The following PCSK2 variants were observed in gnomAD, a reference collection of about 807,000 sequenced individuals.
PCSK2 encodes the protein neuroendocrine convertase 2.
A neutral mutation model predicts 69.7 loss-of-function variants in PCSK2; 14 were observed. The ratio of observed to expected loss-of-function variants is 0.20; its 90% CI spans 0.13 to 0.31. The LOEUF is 0.31. Among genes scored for constraint, PCSK2 ranks in the 10% least tolerant of loss-of-function variants. The probability of loss-of-function intolerance (pLI) is 1.00; values close to 1 mark genes in which losing one functional copy is unlikely to be tolerated. For missense variants in PCSK2, 544 were observed against 842.5 expected (o/e 0.65, Z 4.39); for synonymous variants, 307 against 320.7 (o/e 0.96, Z 0.46).
At chr20:17,234,970 TGACTTTC>T (rs1400617337) in intron 1 of PCSK2, among the ~76,000 whole-genome samples, 1 of 152,212 alleles carries the variant, frequency 6.6e-6, no homozygotes, top group African/African-American at 2.4e-5. Context: ...CATTTCTATT[TGACTTTC>T]CTTATTAAGG....
chr20:17,412,951 A>C (rs1471724236), intron 6 of PCSK2, among the ~76,000 whole-genome samples: 1 of 152,204 alleles, frequency 6.6e-6, no homozygotes, highest in Admixed American at 6.5e-5. Flanking sequence ...AGTGAAGGAG[A>C]AATAAAATCC....
chr20:17,299,259 A>T (rs1187482932), intron 2 of PCSK2, among the ~76,000 whole-genome samples: 1 of 152,132 alleles, frequency 6.6e-6, no homozygotes, highest in Non-Finnish European at 1.5e-5. Flanking sequence ...AGCAATTCTC[A>T]TAATTTGGTT....
Position 17,333,910 on chromosome 20 carries a change from CATATATATATATATATAT to C in PCSK2, c.283-24408_283-24391del, listed in dbSNP as rs3076241. On this transcript the variant is annotated intron_variant, in intron 2 of 11. Transcript: ENST00000262545. ...TACATTTCTTCCTTCTAAGTCACTGCATATATATATATATATATATATATATGGCTTCAAATCTAGATA... is the reference window on the plus strand; with the variant it reads ...TACATTTCTTCCTTCTAAGTCACTGCATATATATGGCTTCAAATCTAGATA... Among the ~76,000 whole-genome samples the C allele has an allele frequency of 2.3e-5, 2 of 86,372 alleles. 1 individual carries two copies. The highest frequency in any genetic ancestry group is 4.7e-5 in the Non-Finnish European group (2 of 42,126). The allele number at this position is 86,372 out of a possible 152,430, so 56.7% of individuals were successfully genotyped here.
intron 10 of PCSK2, among the ~76,000 whole-genome samples, chr20:17,458,396 A>T (rs2032959444): frequency 6.6e-6 from 1 of 152,150 alleles, no homozygotes; most frequent in Non-Finnish European, 1.5e-5. Flanking sequence ...AGTTTGTTCT[A>T]CCTCCAGGCA....
In PCSK2 at chr20:17,482,767, C is replaced by A. The variant is rs532347970; in HGVS notation, c.*697C>A. 2.0e-5 allele frequency: 3 copies of A among 152,618 alleles called. No homozygotes were observed. Among genetic ancestry groups the A allele is most frequent in the East Asian group, 3.9e-4 (2 of 5,182 alleles). The allele number at this position is 152,618 out of a possible 1,614,324, so 9.5% of individuals were successfully genotyped here. A position where few individuals can be genotyped will look rare whatever the true frequency, so the allele number is the denominator to read the frequency against. On this transcript the variant is annotated 3_prime_UTR_variant, in exon 12 of 12. Transcript: ENST00000262545. ...CAAATATAAAACTTACAGAGCGTGGCTGTGCTCTCACCAGCTGCTGCTCTG... is the reference window on the plus strand; with the variant it reads ...CAAATATAAAACTTACAGAGCGTGGATGTGCTCTCACCAGCTGCTGCTCTG...
At chr20:17,421,968 A>G (rs2032141111) in intron 6 of PCSK2, among the ~76,000 whole-genome samples, 1 of 152,192 alleles carries the variant, frequency 6.6e-6, no homozygotes, top group Non-Finnish European at 1.5e-5. Flanking sequence ...TCTATGAAGC[A>G]GTCTTGAAAA....
chr20:17,380,418 T>G (rs1214223280), intron 5 of PCSK2, among the ~76,000 whole-genome samples: 1 of 152,168 alleles, frequency 6.6e-6, no homozygotes, highest in Non-Finnish European at 1.5e-5. Flanking sequence ...TCAGAGAAAT[T>G]TAGTGAGGAA....
chr20:17,267,451 G>C (rs1329258865), intron 2 of PCSK2, among the ~76,000 whole-genome samples: 1 of 152,186 alleles, frequency 6.6e-6, no homozygotes, highest in Non-Finnish European at 1.5e-5. Flanking sequence ...AAATTCATCT[G>C]TTCTAATCCT....
intron 2 of PCSK2, among the ~76,000 whole-genome samples, chr20:17,339,461 A>G (rs1483481202): frequency 8.1e-6 from 1 of 122,846 alleles, no homozygotes; most frequent in Non-Finnish European, 1.7e-5. Context: ...GGCCCAGCCC[A>G]TGTTGATTTT....
intron 10 of PCSK2, among the ~76,000 whole-genome samples, chr20:17,457,447 C>T (rs1367039669): frequency 6.6e-6 from 1 of 152,176 alleles, no homozygotes; most frequent in Non-Finnish European, 1.5e-5. Context: ...AACCCTCTAC[C>T]TTCACAAGAA....
rs191850310 is a variant in PCSK2 at position 17,422,188 on chromosome 20, T to G, written c.621-7247T>G. 1.5e-3 allele frequency among the ~76,000 whole-genome samples: 226 copies of G among 152,298 alleles called. 1 individual carries two copies. The highest frequency in any genetic ancestry group is 4.4e-3 in the Admixed American group (68 of 15,296). On this transcript the variant is annotated intron_variant, in intron 6 of 11. Transcript: ENST00000262545. ...AGCCTGGATGCACTTGAGGAGTTAA[T>G]TATCGAATTGAAGATAACAGCCTGT...
intron 5 of PCSK2, among the ~76,000 whole-genome samples, chr20:17,375,058 G>T (rs1033217152): frequency 1.3e-5 from 2 of 152,162 alleles, no homozygotes; most frequent in Non-Finnish European, 2.9e-5. Flanking sequence ...TGGGCAAAAT[G>T]GATGTCTTGT....
intron 2 of PCSK2, among the ~76,000 whole-genome samples, chr20:17,313,058 C>T (rs1272518797): frequency 6.6e-6 from 1 of 152,082 alleles, no homozygotes. Flanking sequence ...TTCTAGTGGG[C>T]ACATTTTAAA....
intron 2 of PCSK2, among the ~76,000 whole-genome samples, chr20:17,333,621 A>C (rs529933267): frequency 3.4e-4 from 51 of 151,964 alleles, no homozygotes; most frequent in African/African-American, 1.1e-3. Context: ...CTGTCCTGGG[A>C]TATTATTGCT....
At chr20:17,387,915 T>TA (rs1485600920) in intron 5 of PCSK2, among the ~76,000 whole-genome samples, 1 of 152,206 alleles carries the variant, frequency 6.6e-6, no homozygotes, top group African/African-American at 2.4e-5. Flanking sequence ...TACTCGGTGA[T>TA]ATAAATGTGT....
chr20:17,369,428 G>T, intron 5 of PCSK2, 151 bp downstream of exon 5: 2 of 714,284 alleles, frequency 2.8e-6, no homozygotes, highest in South Asian at 1.6e-5. Flanking sequence ...GAGTACAGCT[G>T]CTGGAACATA....
chr20:17,387,339 C>T (rs1392357247), intron 5 of PCSK2, among the ~76,000 whole-genome samples: 1 of 152,144 alleles, frequency 6.6e-6, no homozygotes, highest in Non-Finnish European at 1.5e-5. Context: ...TATTTTGTTT[C>T]ACACCGTTTT....
At chr20:17,365,126 C>T (rs13045827) in intron 4 of PCSK2, among the ~76,000 whole-genome samples, 20,710 of 152,086 alleles carry the variant, frequency 0.14, 1,640 homozygotes, top group Middle Eastern at 0.27. Flanking sequence ...ATTTCTCACA[C>T]TTCTGGAGGC....
chr20:17,449,149 C>T (rs1211681484), intron 8 of PCSK2, among the ~76,000 whole-genome samples: 2 of 152,206 alleles, frequency 1.3e-5, no homozygotes, highest in Non-Finnish European at 2.9e-5. Context: ...TCCCAGAGCA[C>T]TGGGATTACA....
Sources: allele counts gnomAD v4.1 joint callset (sites outside exome capture counted in the v4.1 genomes callset), GRCh38; gene constraint gnomAD v4.1.1; transcripts MANE v1.5; gene names NCBI Gene and HGNC (gene_info 2026-07-23, HGNC 2026-07-21).